The following CDH12 variants were observed in gnomAD, a reference collection of about 807,000 sequenced individuals.
CDH12 encodes the protein cadherin-12.
A neutral mutation model predicts 74.1 loss-of-function variants in CDH12; 41 were observed. That is an observed-to-expected ratio of 0.55 (90% confidence interval 0.43 to 0.72). The LOEUF is 0.72. Among genes scored for constraint, CDH12 ranks in the 30% least tolerant of loss-of-function variants. The pLI is 0.00. For synonymous variants in CDH12, 399 were observed against 355.0 expected (o/e 1.12, Z -1.39); for missense variants, 945 against 977.2 (o/e 0.97, Z 0.44).
intron 3 of CDH12, among the ~76,000 whole-genome samples, chr5:22,215,681 T>G (rs2150365878): frequency 6.6e-6 from 1 of 152,298 alleles, no homozygotes; most frequent in East Asian, 1.9e-4. Flanking sequence ...TGATGATTTT[T>G]ACTAACCTAG....
At chr5:22,715,893 T>C (rs1380770947) in intron 1 of CDH12, among the ~76,000 whole-genome samples, 1 of 151,938 alleles carries the variant, frequency 6.6e-6, no homozygotes. Context: ...TCCTAGCACT[T>C]TGGGAGGCCT....
At chr5:22,668,392 A>G (rs1228899917) in intron 1 of CDH12, among the ~76,000 whole-genome samples, 1 of 152,186 alleles carries the variant, frequency 6.6e-6, no homozygotes, top group Non-Finnish European at 1.5e-5. Context: ...CTCTTTTGTT[A>G]TGTGGTCATA....
At chr5:22,849,862 C>T (rs189044997) in intron 1 of CDH12, among the ~76,000 whole-genome samples, 2 of 151,956 alleles carry the variant, frequency 1.3e-5, no homozygotes, top group East Asian at 3.9e-4. Flanking sequence ...GAAAGAAAAC[C>T]ACTGTAAAAA....
At chr5:22,220,796 C>A (rs1356788764) in intron 3 of CDH12, among the ~76,000 whole-genome samples, 1 of 151,744 alleles carries the variant, frequency 6.6e-6, no homozygotes, top group Non-Finnish European at 1.5e-5. Flanking sequence ...TTTCAAATGT[C>A]ATTGGTGGTT....
chr5:21,958,474 T>C (rs1580017598), intron 6 of CDH12, among the ~76,000 whole-genome samples: 1 of 152,126 alleles, frequency 6.6e-6, no homozygotes, highest in Non-Finnish European at 1.5e-5. Flanking sequence ...TTTTGTATAT[T>C]GTGTAAGGAA....
intron 2 of CDH12, among the ~76,000 whole-genome samples, chr5:22,434,031 A>G (rs1193438533): frequency 6.6e-6 from 1 of 152,156 alleles, no homozygotes; most frequent in Admixed American, 6.6e-5. Flanking sequence ...ATATTAGTAT[A>G]TCCAGCCCCC....
At chr5:22,252,716 G>T (rs546802318) in intron 3 of CDH12, among the ~76,000 whole-genome samples, 48 of 151,740 alleles carry the variant, frequency 3.2e-4, no homozygotes, top group Non-Finnish European at 6.5e-4. Flanking sequence ...CCTCTCCAGG[G>T]TCCTTTATGT....
At chr5:21,951,336 C>T (rs1480412949) in intron 6 of CDH12, among the ~76,000 whole-genome samples, 1 of 152,096 alleles carries the variant, frequency 6.6e-6, no homozygotes, top group Non-Finnish European at 1.5e-5. Flanking sequence ...GCAATTTCTG[C>T]CTCACCCTCC....
intron 2 of CDH12, among the ~76,000 whole-genome samples, chr5:22,408,536 G>A (rs965901860): frequency 4.0e-5 from 6 of 151,114 alleles, no homozygotes; most frequent in Non-Finnish European, 8.8e-5. Flanking sequence ...TAACATTGAA[G>A]AATTCAAAAT....
chr5:22,113,313 G>C (rs1744917613), intron 4 of CDH12, among the ~76,000 whole-genome samples: 1 of 151,864 alleles, frequency 6.6e-6, no homozygotes, highest in South Asian at 2.1e-4. Context: ...TTAATTCTAG[G>C]CTCTCCCAGT....
At chr5:21,851,824 A>G (rs1035488581) in intron 7 of CDH12, among the ~76,000 whole-genome samples, 8 of 151,392 alleles carry the variant, frequency 5.3e-5, no homozygotes, top group Admixed American at 3.3e-4. Context: ...TTTGTCAAAC[A>G]GCAGTGTCAA....
chr5:22,574,126 C>T (rs1739669383), intron 1 of CDH12, among the ~76,000 whole-genome samples: 1 of 126,694 alleles, frequency 7.9e-6, no homozygotes, highest in African/African-American at 3.1e-5. Context: ...GTCTCCTAGG[C>T]TGGAGTGCAG....
At chr5:22,309,087 T>G (rs1203015418) in intron 3 of CDH12, among the ~76,000 whole-genome samples, 1 of 152,170 alleles carries the variant, frequency 6.6e-6, no homozygotes, top group Non-Finnish European at 1.5e-5. Flanking sequence ...AAGCCACTTA[T>G]GAATCAAGGT....
At chr5:22,040,296 C>T (rs774912657) in intron 5 of CDH12, among the ~76,000 whole-genome samples, 2 of 151,888 alleles carry the variant, frequency 1.3e-5, no homozygotes, top group Non-Finnish European at 2.9e-5. Flanking sequence ...GTGAAGACAG[C>T]CTACAGAACT....
At chr5:22,679,119 G>T (rs1171649401) in intron 1 of CDH12, among the ~76,000 whole-genome samples, 1 of 151,954 alleles carries the variant, frequency 6.6e-6, no homozygotes, top group Non-Finnish European at 1.5e-5. Flanking sequence ...ACGCCTCTAG[G>T]CATACTAAAA....
chr5:22,002,431 A>G (rs1736659302), intron 5 of CDH12, among the ~76,000 whole-genome samples: 1 of 152,130 alleles, frequency 6.6e-6, no homozygotes, highest in Non-Finnish European at 1.5e-5. Flanking sequence ...TTAATAATGC[A>G]GTTTTCCATT....
At chr5:22,569,868 A>C (rs1739461239) in intron 1 of CDH12, among the ~76,000 whole-genome samples, 1 of 152,090 alleles carries the variant, frequency 6.6e-6, no homozygotes, top group South Asian at 2.1e-4. Flanking sequence ...ACTTCTTCCA[A>C]ACTTGTGTTA....
At chr5:21,780,111 T>A (rs1038233947) in intron 11 of CDH12, among the ~76,000 whole-genome samples, 5 of 152,172 alleles carry the variant, frequency 3.3e-5, no homozygotes, top group Non-Finnish European at 7.3e-5. Flanking sequence ...TTTGTCTAAG[T>A]CCCAGTTCTG....
intron 2 of CDH12, among the ~76,000 whole-genome samples, chr5:22,456,637 GAA>G (rs35328771): frequency 2.4e-3 from 362 of 149,048 alleles, no homozygotes; most frequent in African/African-American, 8.6e-3. Context: ...TCTTTGAATG[GAA>G]AAAAAAAAAT....
Sources: gnomAD v4.1 joint callset for allele counts (sites outside exome capture counted in the v4.1 genomes callset) on GRCh38, gnomAD v4.1.1 for gene constraint, MANE v1.5 for transcripts, NCBI Gene and HGNC (gene_info 2026-07-23, HGNC 2026-07-21) for gene names.